Variants in DECR1 observed in about 807,000 individuals in gnomAD.
DECR1 encodes the protein 2,4-dienoyl-CoA reductase [(3E)-enoyl-CoA-producing], mitochondrial.
DECR1 carries 44 observed loss-of-function variants against 38.8 expected under a neutral mutation model. That is an observed-to-expected ratio of 1.13 (90% CI 0.89 to 1.46). The LOEUF is 1.46. DECR1 is among the 40% of genes most tolerant of loss of function. DECR1 has a pLI of 0.00. For synonymous variants in DECR1, 148 were observed against 135.2 expected (o/e 1.09, Z -0.66); for missense variants, 428 against 405.5 (o/e 1.06, Z -0.48).
At chr8:90,022,099 G>A (rs548546483) in intron 5 of DECR1, among the ~76,000 whole-genome samples, 1 of 152,040 alleles carries the variant, frequency 6.6e-6, no homozygotes, top group Non-Finnish European at 1.5e-5. Flanking sequence ...GAAGGGTGCG[G>A]GTATTTTCTC....
At chr8:90,037,747 C>G (rs902891012) in intron 6 of DECR1, among the ~76,000 whole-genome samples, 1 of 152,134 alleles carries the variant, frequency 6.6e-6, no homozygotes, top group African/African-American at 2.4e-5. Context: ...CTACACCCAG[C>G]CATGATTGCT....
intron 5 of DECR1, among the ~76,000 whole-genome samples, chr8:90,036,220 G>A (rs1487191766): frequency 1.3e-5 from 2 of 152,004 alleles, no homozygotes; most frequent in South Asian, 2.1e-4. Context: ...TCCCCAAACC[G>A]ATCTCTATCT....
chr8:90,012,045 G>A (rs1399711045), intron 1 of DECR1, among the ~76,000 whole-genome samples: 1 of 151,830 alleles, frequency 6.6e-6, no homozygotes, highest in African/African-American at 2.4e-5. Context: ...AAATATGGTC[G>A]TATATTTGTT....
intron 1 of DECR1, among the ~76,000 whole-genome samples, chr8:90,009,502 GTT>G (rs201664183): frequency 1.4e-5 from 2 of 145,908 alleles, no homozygotes. Context: ...TATTGTGTCT[GTT>G]TTTTTTTTTT....
Position 90,052,002 on chromosome 8 carries a change from A to C in DECR1, c.*105A>C, listed in dbSNP as rs1356765989. On this transcript the variant is annotated 3_prime_UTR_variant, in exon 10 of 10. Coordinates refer to ENST00000220764, the MANE Select transcript of DECR1 (RefSeq NM_001359.2). ...AGTCTAATAAATTCTTAATTAACAAACATTCATTGAATATGTATTATGTGC... is the reference window on the plus strand; with the variant it reads ...AGTCTAATAAATTCTTAATTAACAACCATTCATTGAATATGTATTATGTGC... The C allele has an allele frequency of 1.1e-5, 11 of 980,238 alleles. No individual in the cohort carries two copies. Among genetic ancestry groups the C allele is most frequent in the Non-Finnish European group, 1.7e-5 (11 of 636,988 alleles). The allele number at this position is 980,238 out of a possible 1,614,324, so 60.7% of individuals were successfully genotyped here. A position where few individuals can be genotyped will look rare whatever the true frequency, so the allele number is the denominator to read the frequency against.
intron 1 of DECR1, among the ~76,000 whole-genome samples, chr8:90,002,212 C>T (rs1307832759): frequency 1.3e-5 from 2 of 152,132 alleles, no homozygotes; most frequent in African/African-American, 4.8e-5. Context: ...TCAGGCCGAG[C>T]GAGCACTGAC....
chr8:90,019,994 C>T (rs1813109971), intron 4 of DECR1, among the ~76,000 whole-genome samples: 1 of 152,300 alleles, frequency 6.6e-6, no homozygotes, highest in African/African-American at 2.4e-5. Flanking sequence ...CTCCTAGTAA[C>T]TTTTGATTGT....
intron 8 of DECR1, among the ~76,000 whole-genome samples, chr8:90,046,375 G>C (rs545815964): frequency 6.6e-6 from 1 of 152,320 alleles, no homozygotes; most frequent in South Asian, 2.1e-4. Context: ...ACCATGACAT[G>C]AGAAATACGT....
At chr8:90,044,521 C>G (rs1032940514) in intron 7 of DECR1, among the ~76,000 whole-genome samples, 2 of 152,226 alleles carry the variant, frequency 1.3e-5, no homozygotes, top group Non-Finnish European at 2.9e-5. Context: ...AATGAAAAGC[C>G]AGTAATACCA....
Position 90,052,680 on chromosome 8 carries a change from A to G in DECR1, c.*783A>G, listed in dbSNP as rs1230909204. 6.6e-6 allele frequency among the ~76,000 whole-genome samples: 1 copy of G among 152,240 alleles called. No homozygotes were observed. Among genetic ancestry groups the G allele is most frequent in the Non-Finnish European group, 1.5e-5 (1 of 68,046 alleles). On this transcript the variant is annotated 3_prime_UTR_variant, in exon 10 of 10. Coordinates refer to ENST00000220764, the MANE Select transcript of DECR1 (RefSeq NM_001359.2). ...TGGGTAAAAGAGGTAAAGAAAGCCT[A>G]TAAAATATTTTTGTATATCATTTGA...
intron 1 of DECR1, chr8:90,005,851 G>A (rs2129995779): frequency 3.2e-6 from 1 of 313,660 alleles, no homozygotes; most frequent in Non-Finnish European, 6.2e-6. Context: ...AGAAGGTGAA[G>A]GGGAGCTGGA....
chr8:90,018,860 A>G (rs748575351), intron 2 of DECR1, 49 bp from the exon 3 acceptor site: 1 of 1,329,950 alleles, frequency 7.5e-7, no homozygotes, highest in East Asian at 2.3e-5. Flanking sequence ...TCTTCAATTT[A>G]TGAAATTGAA....
intron 8 of DECR1, among the ~76,000 whole-genome samples, chr8:90,046,733 T>C (rs1200215769): frequency 2.6e-5 from 4 of 152,132 alleles, no homozygotes; most frequent in African/African-American, 9.7e-5. Context: ...GACACATAAT[T>C]GTCAGATTGA....
At chr8:90,045,192 C>T (rs961129863) in intron 8 of DECR1, 197 bp downstream of exon 8, 22 of 326,690 alleles carry the variant, frequency 6.7e-5, no homozygotes, top group Admixed American at 4.5e-4. Context: ...TGTTCTCACA[C>T]TGCTAAAGAC....
chr8:90,022,596 C>A (rs946816757), intron 5 of DECR1, among the ~76,000 whole-genome samples: 5 of 151,860 alleles, frequency 3.3e-5, no homozygotes, highest in Admixed American at 6.6e-5. Context: ...GTCCGAGGAA[C>A]CTTGATCTCT....
intron 1 of DECR1, among the ~76,000 whole-genome samples, chr8:90,013,090 T>A (rs1586138451): frequency 6.6e-6 from 1 of 151,984 alleles, no homozygotes; most frequent in Non-Finnish European, 1.5e-5. Flanking sequence ...TGCTCAAGAG[T>A]TTGATTTTTG....
chr8:90,027,562 A>G (rs1363933963), intron 5 of DECR1, among the ~76,000 whole-genome samples: 1 of 151,384 alleles, frequency 6.6e-6, no homozygotes, highest in Non-Finnish European at 1.5e-5. Flanking sequence ...TTTGTTTTCC[A>G]TTTGCTTGGT....
chr8:90,019,405 C>T (rs917696666), intron 4 of DECR1, among the ~76,000 whole-genome samples: 1 of 152,216 alleles, frequency 6.6e-6, no homozygotes, highest in Non-Finnish European at 1.5e-5. Context: ...TGTGACTGTT[C>T]CTTCAGAGCA....
At chr8:90,024,467 A>G (rs190403590) in intron 5 of DECR1, among the ~76,000 whole-genome samples, 1,585 of 152,306 alleles carry the variant, frequency 0.01, 30 homozygotes, top group African/African-American at 0.036. Flanking sequence ...TCTGATGGCC[A>G]GTGATGATGA....
Sources: gnomAD v4.1 joint callset for allele counts (sites outside exome capture counted in the v4.1 genomes callset) on GRCh38, gnomAD v4.1.1 for gene constraint, MANE v1.5 for transcripts, NCBI Gene and HGNC (gene_info 2026-07-23, HGNC 2026-07-21) for gene names.